SHISA6: variants seen among roughly 807,000 people sequenced by gnomAD.
SHISA6 encodes the protein shisa family member 6, also known as protein shisa-6.
A neutral mutation model predicts 47.9 loss-of-function variants in SHISA6; 22 were observed. The observed-to-expected ratio is 0.46, with a 90% confidence interval of 0.33 to 0.66. SHISA6 has a LOEUF of 0.66. Among genes scored for constraint, SHISA6 ranks in the 30% least tolerant of loss-of-function variants. SHISA6 has a pLI of 0.02. For synonymous variants in SHISA6, 388 were observed against 337.8 expected, an observed-to-expected ratio of 1.15 and a Z score of -1.63; for missense variants, 680 against 764.6, an observed-to-expected ratio of 0.89 and a Z score of 1.30.
At chr17:11,310,278 A>G (rs1910272740) in intron 2 of SHISA6, among the ~76,000 whole-genome samples, 1 of 152,238 alleles carries the variant, frequency 6.6e-6, no homozygotes, top group South Asian at 2.1e-4. Context: ...ATCTGTTTAC[A>G]TATGTGTCAT....
chr17:11,555,630 C>T, intron 4 of SHISA6, 110 bp from the exon 5 acceptor site: 1 of 1,268,342 alleles, frequency 7.9e-7, no homozygotes, highest in Non-Finnish European at 1.1e-6. Context: ...TGTCCAAGCA[C>T]AGAGGTCCAG....
intron 2 of SHISA6, among the ~76,000 whole-genome samples, chr17:11,360,122 G>A (rs1485737602): frequency 1.3e-5 from 2 of 152,180 alleles, no homozygotes; most frequent in African/African-American, 4.8e-5. Flanking sequence ...ATACACCATG[G>A]AATACTATGC....
At chr17:11,411,135 A>AT (rs1390269261) in intron 3 of SHISA6, among the ~76,000 whole-genome samples, 1 of 150,650 alleles carries the variant, frequency 6.6e-6, no homozygotes, top group Admixed American at 6.6e-5. Flanking sequence ...CGCCCGGCTA[A>AT]TTTTTTGTAT....
intron 3 of SHISA6, among the ~76,000 whole-genome samples, chr17:11,540,878 G>A (rs577351178): frequency 2.0e-4 from 30 of 152,322 alleles, no homozygotes; most frequent in African/African-American, 7.0e-4. Flanking sequence ...TACAAGCAAT[G>A]AGATGCACAG....
intron 2 of SHISA6, among the ~76,000 whole-genome samples, chr17:11,295,965 A>T: frequency 3.0e-4 from 1 of 3,320 alleles, no homozygotes; most frequent in African/African-American, 9.0e-4. Flanking sequence ...CTCCATCTCA[A>T]AAAAAAAAAA....
intron 1 of SHISA6, among the ~76,000 whole-genome samples, chr17:11,260,615 C>A (rs1248527300): frequency 6.6e-6 from 1 of 151,972 alleles, no homozygotes; most frequent in African/African-American, 2.4e-5. Flanking sequence ...TTCCTACCTG[C>A]TTGCCTGTCC....
intron 3 of SHISA6, among the ~76,000 whole-genome samples, chr17:11,477,034 C>T (rs573550554): frequency 6.6e-6 from 1 of 152,238 alleles, no homozygotes; most frequent in South Asian, 2.1e-4. Flanking sequence ...TTCCAGATAA[C>T]ATTCCTTGCT....
intron 2 of SHISA6, among the ~76,000 whole-genome samples, chr17:11,294,599 CTTTA>C (rs376657876): frequency 0.012 from 1,780 of 152,214 alleles, 15 homozygotes; most frequent in Non-Finnish European, 0.018. Context: ...TTTTTCATAG[CTTTA>C]TTTTTCTACT....
chr17:11,282,924 A>G (rs1909171365), intron 2 of SHISA6, among the ~76,000 whole-genome samples: 1 of 152,230 alleles, frequency 6.6e-6, no homozygotes, highest in East Asian at 1.9e-4. Flanking sequence ...TCAGGTTTAT[A>G]GAGTGGAGAG....
intron 2 of SHISA6, among the ~76,000 whole-genome samples, chr17:11,336,002 G>C (rs992201918): frequency 6.6e-6 from 1 of 151,376 alleles, no homozygotes; most frequent in Admixed American, 6.6e-5. Context: ...TTTGAGATCA[G>C]CCTGGCTAAA....
intron 3 of SHISA6, among the ~76,000 whole-genome samples, chr17:11,446,433 C>T (rs1377759391): frequency 3.9e-5 from 6 of 152,184 alleles, no homozygotes; most frequent in Non-Finnish European, 7.3e-5. Flanking sequence ...CTGGCCCTGC[C>T]GCCTCTGGCT....
chr17:11,488,309 A>G (rs1916400800), intron 3 of SHISA6, among the ~76,000 whole-genome samples: 2 of 152,120 alleles, frequency 1.3e-5, no homozygotes, highest in Admixed American at 1.3e-4. Context: ...CTTTAACACC[A>G]TATTGTTCAA....
chr17:11,413,418 T>A (rs1914193589), intron 3 of SHISA6, among the ~76,000 whole-genome samples: 1 of 152,170 alleles, frequency 6.6e-6, no homozygotes, highest in Non-Finnish European at 1.5e-5. Context: ...TGCCCAGACA[T>A]TCAAGGAAAA....
At chr17:11,435,660 G>A (rs1914915319) in intron 3 of SHISA6, among the ~76,000 whole-genome samples, 1 of 152,128 alleles carries the variant, frequency 6.6e-6, no homozygotes, top group East Asian at 1.9e-4. Flanking sequence ...TCTGAAGGGG[G>A]TATCATTTTC....
intron 3 of SHISA6, among the ~76,000 whole-genome samples, chr17:11,471,199 AC>A (rs1372334555): frequency 1.5e-5 from 2 of 131,536 alleles, no homozygotes; most frequent in African/African-American, 6.4e-5. Context: ...ACAGAGTGAG[AC>A]TCCATCTCAG....
chr17:11,274,981 T>A (rs1253811154), intron 2 of SHISA6, among the ~76,000 whole-genome samples: 2 of 152,026 alleles, frequency 1.3e-5, no homozygotes, highest in African/African-American at 4.8e-5. Flanking sequence ...AAAACGGCGA[T>A]GCATAAGGGA....
chr17:11,436,561 T>C (rs904951265), intron 3 of SHISA6, among the ~76,000 whole-genome samples: 17 of 152,236 alleles, frequency 1.1e-4, no homozygotes, highest in African/African-American at 3.4e-4. Context: ...TTATTTCTTC[T>C]TGATTGTACT....
intron 3 of SHISA6, among the ~76,000 whole-genome samples, chr17:11,425,006 C>CAAAAA (rs34270452): frequency 7.1e-5 from 5 of 70,046 alleles, no homozygotes; most frequent in South Asian, 5.9e-4. Flanking sequence ...TACTCCGTCT[C>CAAAAA]AAAAAAAAAA....
At chr17:11,471,888 C>T (rs1915942307) in intron 3 of SHISA6, among the ~76,000 whole-genome samples, 1 of 152,168 alleles carries the variant, frequency 6.6e-6, no homozygotes. Flanking sequence ...CCATTACCAA[C>T]ATCCCCCACT....
Sources: gnomAD v4.1 joint callset for allele counts (sites outside exome capture counted in the v4.1 genomes callset) on GRCh38, gnomAD v4.1.1 for gene constraint, MANE v1.5 for transcripts, NCBI Gene and HGNC (gene_info 2026-07-23, HGNC 2026-07-21) for gene names.